The following ZFHX4 variants were observed in gnomAD, a reference collection of about 807,000 sequenced individuals.
The protein encoded by ZFHX4 is zinc finger homeobox protein 4.
Under a neutral mutation model 267.6 loss-of-function variants are expected in ZFHX4, and 56 were observed. That is an observed-to-expected ratio of 0.21 (90% CI 0.17 to 0.26). The LOEUF (loss-of-function observed/expected upper bound fraction) is 0.26. Ranked by LOEUF, ZFHX4 falls within the 10% of genes least tolerant of loss-of-function variation. The probability of loss-of-function intolerance (pLI) is 1.00; values close to 1 mark genes in which losing one functional copy is unlikely to be tolerated. For synonymous variants in ZFHX4, 1,778 were observed against 1,665.6 expected, an observed-to-expected ratio of 1.07 and a Z score of -1.64; for missense variants, 4,332 against 4,420.0, an observed-to-expected ratio of 0.98 and a Z score of 0.56.
At chr8:76,780,186 C>G (rs539123944) in intron 4 of ZFHX4, among the ~76,000 whole-genome samples, 1 of 152,224 alleles carries the variant, frequency 6.6e-6, no homozygotes, top group Admixed American at 6.5e-5. Context: ...ACCTCTTTAA[C>G]GTGTCCATGC....
At chr8:76,686,305 G>C (rs1356973180) in intron 1 of ZFHX4, among the ~76,000 whole-genome samples, 1 of 152,090 alleles carries the variant, frequency 6.6e-6, no homozygotes, top group Non-Finnish European at 1.5e-5. Flanking sequence ...CAAGATTCCT[G>C]TCTATTTGGG....
At chr8:76,845,440 G>A (rs1812340300) in intron 6 of ZFHX4, among the ~76,000 whole-genome samples, 1 of 151,802 alleles carries the variant, frequency 6.6e-6, no homozygotes, top group African/African-American at 2.4e-5. Flanking sequence ...GAGGAAAGAT[G>A]GAAATTAACC....
rs372113584 is a variant in ZFHX4, at chr8:76,852,282, C to T, written c.5361C>T (p.His1787=). ...DLKQQIQTQH[H]VGQTQLQILQ... Reference sequence around the variant, plus strand: ...AGCAGCAGATTCAAACCCAACATCACGTTGGTCAAACTCAACTCCAGATAC... The same window carrying T: ...AGCAGCAGATTCAAACCCAACATCATGTTGGTCAAACTCAACTCCAGATAC... The change falls in exon 10 of 11, where the codon CAC becomes CAT. Residue 1787 remains histidine, a synonymous_variant. Transcript: ENST00000651372. The T allele has an allele frequency of 3.4e-4, 539 of 1,573,646 alleles. No individual in the cohort carries two copies. The highest frequency in any genetic ancestry group is 5.0e-4 in the African/African-American group (37 of 73,914).
chr8:76,733,576 T>C (rs1486057254), intron 3 of ZFHX4: 1 of 152,220 alleles, frequency 6.6e-6, no homozygotes, highest in Non-Finnish European at 1.5e-5. Context: ...TCAGTGCTAC[T>C]TGTAAATGCC....
Position 76,849,095 on chromosome 8 carries a change from A to G in ZFHX4, c.3612A>G (p.Lys1204=), listed in dbSNP as rs767470584. 2.6e-6 allele frequency: 4 copies of G among 1,565,532 alleles called. No homozygotes were observed. In the Admixed American group the frequency reaches 7.5e-5, roughly 30 times the overall value. ...KEEDVATKRS[K]PTEDNKFCHE... Reference sequence around the variant, plus strand: ...AGGATGTTGCAACAAAAAGGTCAAAACCTACAGAGGACAATAAATTCTGTC... The same window carrying G: ...AGGATGTTGCAACAAAAAGGTCAAAGCCTACAGAGGACAATAAATTCTGTC... Residue 1204 remains lysine, a synonymous_variant, in exon 7 of 11, where the codon AAA becomes AAG. Transcript: ENST00000651372.
chr8:76,688,650 A>G (rs1225779738), intron 1 of ZFHX4, among the ~76,000 whole-genome samples: 1 of 152,160 alleles, frequency 6.6e-6, no homozygotes, highest in Non-Finnish European at 1.5e-5. Flanking sequence ...GCATTAGGAC[A>G]GTTAAAATAC....
chr8:76,833,615 G>T (rs1400723122), intron 5 of ZFHX4: 6 of 471,530 alleles, frequency 1.3e-5, no homozygotes, highest in Non-Finnish European at 2.3e-5. Context: ...GCAGTTTTAG[G>T]TTCACAGCAA....
rs1242724829 is a variant in ZFHX4 at position 76,864,965 on chromosome 8, C to A, written c.*400C>A. Reference sequence around the variant, plus strand: ...TCTCTTAGTTTAGTTAGGTGTAATTCAGTAGCTTTAAATTCTCAGGTCAGA... The same window carrying A: ...TCTCTTAGTTTAGTTAGGTGTAATTAAGTAGCTTTAAATTCTCAGGTCAGA... On this transcript the variant is annotated 3_prime_UTR_variant, in exon 11 of 11. Coordinates refer to ENST00000651372, the MANE Select transcript of ZFHX4 (RefSeq NM_024721.5). The A allele has an allele frequency of 6.5e-6, 1 of 155,010 alleles. No individual in the cohort carries two copies. 9.6% of individuals were successfully genotyped at this position (155,010 alleles called of 1,614,324 possible).
chr8:76,714,084 A>G (rs1441975463), intron 3 of ZFHX4, among the ~76,000 whole-genome samples: 2 of 152,180 alleles, frequency 1.3e-5, no homozygotes, highest in East Asian at 1.9e-4. Flanking sequence ...GTATGATTTA[A>G]TCAAAAGAGC....
chr8:76,723,842 C>G (rs1808785987), intron 3 of ZFHX4, among the ~76,000 whole-genome samples: 1 of 152,068 alleles, frequency 6.6e-6, no homozygotes, highest in Non-Finnish European at 1.5e-5. Flanking sequence ...ACATGAAACT[C>G]TTCCTCTAAT....
At chr8:76,689,437 A>G (rs1285180758) in intron 1 of ZFHX4, among the ~76,000 whole-genome samples, 1 of 152,144 alleles carries the variant, frequency 6.6e-6, no homozygotes, top group Non-Finnish European at 1.5e-5. Flanking sequence ...ATATGTGTTT[A>G]TATGTGAACA....
chr8:76,841,909 C>T (rs1342835433), intron 5 of ZFHX4, among the ~76,000 whole-genome samples: 2 of 152,098 alleles, frequency 1.3e-5, no homozygotes, highest in African/African-American at 4.8e-5. Context: ...CTACACAGCC[C>T]CAGCATAGAG....
intron 1 of ZFHX4, among the ~76,000 whole-genome samples, chr8:76,689,889 C>T (rs541131521): frequency 5.9e-5 from 9 of 152,228 alleles, no homozygotes; most frequent in Admixed American, 2.0e-4. Context: ...TAATTAACCA[C>T]TTTAACATTC....
chr8:76,783,397 A>C (rs1810604311), intron 4 of ZFHX4, among the ~76,000 whole-genome samples: 2 of 152,150 alleles, frequency 1.3e-5, no homozygotes, highest in South Asian at 2.1e-4. Flanking sequence ...TGATGCTTCC[A>C]ACCATATTTT....
At chr8:76,834,309 A>C in intron 5 of ZFHX4, 1 of 262,386 alleles carries the variant, frequency 3.8e-6, no homozygotes. Context: ...AAAAACCACC[A>C]AACTGTCTTC....
At chr8:76,860,746 T>C (rs1812843679) in intron 10 of ZFHX4, among the ~76,000 whole-genome samples, 1 of 152,154 alleles carries the variant, frequency 6.6e-6, no homozygotes, top group Admixed American at 6.5e-5. Context: ...ATTTTATAAT[T>C]AGATACTAAT....
intron 3 of ZFHX4, among the ~76,000 whole-genome samples, chr8:76,715,798 G>A (rs2131629908): frequency 6.6e-6 from 1 of 152,178 alleles, no homozygotes; most frequent in Non-Finnish European, 1.5e-5. Flanking sequence ...TAAATTAAAT[G>A]TGCATACATA....
intron 3 of ZFHX4, among the ~76,000 whole-genome samples, chr8:76,761,696 G>A (rs1809917515): frequency 6.6e-6 from 1 of 152,272 alleles, no homozygotes. Flanking sequence ...GTATTTAATA[G>A]TCAAGCTGAA....
intron 3 of ZFHX4, among the ~76,000 whole-genome samples, chr8:76,727,359 A>G (rs1413071056): frequency 6.6e-6 from 1 of 152,186 alleles, no homozygotes; most frequent in African/African-American, 2.4e-5. Flanking sequence ...GCATTTAAGA[A>G]GAGGTAAATT....
Sources: gnomAD v4.1 joint callset for allele counts (sites outside exome capture counted in the v4.1 genomes callset) on GRCh38, gnomAD v4.1.1 for gene constraint, MANE v1.5 for transcripts, NCBI Gene and HGNC (gene_info 2026-07-23, HGNC 2026-07-21) for gene names.